PPM1L: variants seen among roughly 807,000 people sequenced by gnomAD.
PPM1L encodes the protein protein phosphatase, Mg2+/Mn2+ dependent 1L, also known as protein phosphatase 1L.
Under a neutral mutation model 31.4 loss-of-function variants are expected in PPM1L, and 13 were observed. The observed-to-expected ratio is 0.41, with a 90% confidence interval of 0.27 to 0.66. The LOEUF (loss-of-function observed/expected upper bound fraction) is 0.66, where lower values mean the gene tolerates loss of function less well. PPM1L is among the 30% of genes least tolerant of loss of function. The pLI is 0.29. For synonymous variants in PPM1L, 184 were observed against 175.4 expected, an observed-to-expected ratio of 1.05 and a Z score of -0.39; for missense variants, 326 against 453.7, an observed-to-expected ratio of 0.72 and a Z score of 2.56.
At chr3:161,035,211 A>T (rs77417170) in intron 2 of PPM1L, among the ~76,000 whole-genome samples, 2 of 82,230 alleles carry the variant, frequency 2.4e-5, no homozygotes, top group Admixed American at 1.2e-4. Flanking sequence ...AAGTATAATT[A>T]AAAAAAAAAA....
At chr3:161,065,870 CAACT>C (rs1327100818) in intron 3 of PPM1L, among the ~76,000 whole-genome samples, 1 of 152,222 alleles carries the variant, frequency 6.6e-6, no homozygotes, top group Non-Finnish European at 1.5e-5. Flanking sequence ...CTCGGAGCCA[CAACT>C]AACTACTAAT....
intron 2 of PPM1L, among the ~76,000 whole-genome samples, chr3:160,963,811 G>A (rs563721782): frequency 3.2e-4 from 49 of 152,132 alleles, no homozygotes; most frequent in Non-Finnish European, 4.7e-4. Flanking sequence ...GATCCTCAGA[G>A]GTAGGCTTGC....
chr3:160,931,156 A>C (rs1354187302), intron 1 of PPM1L, among the ~76,000 whole-genome samples: 1 of 152,240 alleles, frequency 6.6e-6, no homozygotes, highest in Non-Finnish European at 1.5e-5. Context: ...TCAGGCAGCC[A>C]GTATTTCTCT....
At chr3:160,834,538 A>G (rs1160096894) in intron 1 of PPM1L, among the ~76,000 whole-genome samples, 1 of 150,100 alleles carries the variant, frequency 6.7e-6, no homozygotes, top group African/African-American at 2.4e-5. Context: ...CATCACCACA[A>G]AGGAACTTCC....
At chr3:160,759,292 T>A (rs1375257931) in intron 1 of PPM1L, among the ~76,000 whole-genome samples, 6 of 152,208 alleles carry the variant, frequency 3.9e-5, no homozygotes, top group Non-Finnish European at 7.3e-5. Flanking sequence ...TAACTCACAC[T>A]AGTAAGATAG....
At chr3:160,925,807 A>G (rs1337456259) in intron 1 of PPM1L, among the ~76,000 whole-genome samples, 1 of 152,190 alleles carries the variant, frequency 6.6e-6, no homozygotes, top group Non-Finnish European at 1.5e-5. Flanking sequence ...CTGAAGAACT[A>G]ATTAGGGGTA....
chr3:160,849,480 C>T (rs1357148238), intron 1 of PPM1L, among the ~76,000 whole-genome samples: 3 of 151,662 alleles, frequency 2.0e-5, no homozygotes. Context: ...GTGACACAAT[C>T]TTGGCTCATG....
At chr3:160,933,881 T>C (rs990133718) in intron 1 of PPM1L, among the ~76,000 whole-genome samples, 1 of 152,214 alleles carries the variant, frequency 6.6e-6, no homozygotes, top group African/African-American at 2.4e-5. Flanking sequence ...GAATTTATCT[T>C]TAATAAAAGT....
chr3:160,890,936 A>C (rs1332427980), intron 1 of PPM1L, among the ~76,000 whole-genome samples: 1 of 152,196 alleles, frequency 6.6e-6, no homozygotes, highest in Non-Finnish European at 1.5e-5. Context: ...AGAAAACTGA[A>C]ACTGGACCCC....
intron 1 of PPM1L, among the ~76,000 whole-genome samples, chr3:160,804,093 C>CT (rs1255359891): frequency 0.013 from 1,945 of 144,818 alleles, 32 homozygotes; most frequent in African/African-American, 0.044. Context: ...AATTTTTTTT[C>CT]TTTTTTTTTT....
Position 161,062,959 on chromosome 3 carries a change from G to A in PPM1L, c.575-2444G>A, listed in dbSNP as rs372813977. Among the ~76,000 whole-genome samples, 11 of 152,218 alleles carry A rather than the reference G, an allele frequency of 7.2e-5. No individual in the cohort carries two copies. The East Asian group carries it at 1.5e-3, about 21-fold the overall frequency. On this transcript the variant is annotated intron_variant, in intron 2 of 3. Coordinates refer to ENST00000498165, the MANE Select transcript of PPM1L (RefSeq NM_139245.4). ...AGAAAGTGTGGAAGCCAAGGTCGGC[G>A]ACATGCTCACCTAGAAAGTGCAGAG...
intron 2 of PPM1L, among the ~76,000 whole-genome samples, chr3:161,046,799 A>G (rs1040485135): frequency 2.6e-5 from 4 of 152,226 alleles, no homozygotes; most frequent in African/African-American, 7.2e-5. Flanking sequence ...GCAAATCAAT[A>G]AACGTAATCC....
At chr3:160,900,831 T>C (rs1713514345) in intron 1 of PPM1L, among the ~76,000 whole-genome samples, 1 of 152,190 alleles carries the variant, frequency 6.6e-6, no homozygotes, top group Non-Finnish European at 1.5e-5. Flanking sequence ...AAAATGTAAA[T>C]GGGTGAACAG....
chr3:161,011,966 T>G lies in PPM1L; in HGVS notation c.574+50056T>G, dbSNP rs542215863. Among the ~76,000 whole-genome samples the G allele has an allele frequency of 2.2e-4, 33 of 152,224 alleles. No individual in the cohort carries two copies. In the East Asian group the frequency reaches 4.2e-3, roughly 20 times the overall value. Reference sequence around the variant, plus strand: ...TATACAATCATGTCACCTGCAAACATGGACAATTTGACTTCCTCTTTTCCT... The same window carrying G: ...TATACAATCATGTCACCTGCAAACAGGGACAATTTGACTTCCTCTTTTCCT... On this transcript the variant is annotated intron_variant, in intron 2 of 3. Transcript: ENST00000498165.
At chr3:160,992,499 A>G (rs963939372) in intron 2 of PPM1L, among the ~76,000 whole-genome samples, 1 of 152,178 alleles carries the variant, frequency 6.6e-6, no homozygotes, top group Non-Finnish European at 1.5e-5. Flanking sequence ...AGCAAAAAAG[A>G]ATGTGAAGTT....
chr3:160,948,846 G>T (rs1033469540), intron 1 of PPM1L, among the ~76,000 whole-genome samples: 3 of 152,106 alleles, frequency 2.0e-5, no homozygotes, highest in Non-Finnish European at 4.4e-5. Flanking sequence ...GGAGGGTCTT[G>T]TACAACCCTA....
intron 1 of PPM1L, among the ~76,000 whole-genome samples, chr3:160,945,071 T>TTA (rs530236635): frequency 0.011 from 1,323 of 122,660 alleles, 87 homozygotes; most frequent in African/African-American, 0.038. Flanking sequence ...ATATAACATG[T>TTA]TATATATAAC....
intron 1 of PPM1L, among the ~76,000 whole-genome samples, chr3:160,767,692 G>A (rs1403720745): frequency 6.6e-6 from 1 of 152,136 alleles, no homozygotes; most frequent in East Asian, 1.9e-4. Context: ...TTAATGCCCT[G>A]TAGCAGTAAA....
chr3:160,807,488 A>G (rs1279843357), intron 1 of PPM1L, among the ~76,000 whole-genome samples: 1 of 152,224 alleles, frequency 6.6e-6, no homozygotes, highest in Non-Finnish European at 1.5e-5. Context: ...TGAGTTTCCA[A>G]TGCCAATTGC....
Sources: gnomAD v4.1 joint callset for allele counts (sites outside exome capture counted in the v4.1 genomes callset) on GRCh38, gnomAD v4.1.1 for gene constraint, MANE v1.5 for transcripts, NCBI Gene and HGNC (gene_info 2026-07-23, HGNC 2026-07-21) for gene names.